The following DNAJC1 variants were observed in gnomAD, a reference collection of about 807,000 sequenced individuals.
DNAJC1 encodes DnaJ heat shock protein family (Hsp40) member C1, also known as dnaJ homolog subfamily C member 1.
DNAJC1 carries 58 observed loss-of-function variants against 76.6 expected under a neutral mutation model. That is an observed-to-expected ratio of 0.76 (90% CI 0.61 to 0.94). The LOEUF is 0.94. Among genes scored for constraint, DNAJC1 ranks in the 40% least tolerant of loss-of-function variants. The pLI, the probability that DNAJC1 is intolerant of heterozygous loss-of-function variation, is 0.00. For synonymous variants in DNAJC1, 258 were observed against 267.9 expected, an observed-to-expected ratio of 0.96 and a Z score of 0.36; for missense variants, 689 against 677.3, an observed-to-expected ratio of 1.02 and a Z score of -0.19.
chr10:21,882,404 G>C lies in DNAJC1; in HGVS notation c.856C>G (p.Pro286Ala). Reference sequence around the variant, plus strand: ...GTAGTTTCTAAAGGTGTGTATACAGGAAATTCAGGTTTTGGTTTTTTAACT... The same window carrying C: ...GTAGTTTCTAAAGGTGTGTATACAGCAAATTCAGGTTTTGGTTTTTTAACT... ...KKVKKPKPEF[P>A]VYTPLETTYI... The change falls in exon 8 of 12, where the codon CCT becomes GCT. Residue 286 changes from proline (P) to alanine (A), a missense_variant. By Grantham distance (27) the Pro-to-Ala change is conservative (BLOSUM62 -1). Transcript: ENST00000376980. 6.6e-7 allele frequency: 1 copy of C among 1,523,230 alleles called. No homozygotes were observed. Among genetic ancestry groups the C allele is most frequent in the Non-Finnish European group, 8.8e-7 (1 of 1,142,814 alleles). 94.4% of individuals were successfully genotyped at this position (1,523,230 alleles called of 1,614,324 possible).
chr10:21,956,580 T>C (rs994390996), intron 1 of DNAJC1, among the ~76,000 whole-genome samples: 1 of 150,206 alleles, frequency 6.7e-6, no homozygotes, highest in African/African-American at 2.4e-5. Context: ...TTTATGTACA[T>C]ATATAAACAT....
Position 21,798,699 on chromosome 10 carries a change from C to G in DNAJC1, c.1098+7281G>C, listed in dbSNP as rs189757624. On this transcript the variant is annotated intron_variant, in intron 9 of 11. Transcript: ENST00000376980. ...CATCAGTCTCTATCTGCTTACCCTG[C>G]TTTATTTTTCTTCATGTTACTTGTC... Among the ~76,000 whole-genome samples the G allele has an allele frequency of 3.9e-5, 6 of 152,282 alleles. No homozygotes were observed. In the East Asian group the frequency reaches 1.2e-3, roughly 29 times the overall value.
At chr10:21,886,943 G>A (rs539825635) in intron 7 of DNAJC1, among the ~76,000 whole-genome samples, 7 of 152,246 alleles carry the variant, frequency 4.6e-5, no homozygotes, top group Admixed American at 1.3e-4. Context: ...AAGAGAGGAA[G>A]CCAAACTGTC....
chr10:21,873,444 C>A (rs1836136754), intron 8 of DNAJC1, among the ~76,000 whole-genome samples: 1 of 152,020 alleles, frequency 6.6e-6, no homozygotes, highest in Admixed American at 6.6e-5. Flanking sequence ...ACGATGAAGG[C>A]CAGCAGGTAA....
intron 8 of DNAJC1, among the ~76,000 whole-genome samples, chr10:21,809,634 AGATGG>A (rs1351553662): frequency 1.3e-5 from 2 of 151,832 alleles, no homozygotes; most frequent in African/African-American, 2.4e-5. Context: ...AATATGTATT[AGATGG>A]GATGGGATGA....
chr10:22,002,186 T>C (rs189668011), intron 1 of DNAJC1, among the ~76,000 whole-genome samples: 11 of 152,328 alleles, frequency 7.2e-5, no homozygotes, highest in African/African-American at 2.2e-4. Context: ...TATCTAGTCA[T>C]GTGAAGTGTG....
chr10:21,873,049 C>A (rs1836128672), intron 8 of DNAJC1, among the ~76,000 whole-genome samples: 1 of 152,156 alleles, frequency 6.6e-6, no homozygotes, highest in Admixed American at 6.5e-5. Context: ...CTGTGAAAAT[C>A]TCTGTCCTGT....
At chr10:21,838,260 C>G (rs1465265526) in intron 8 of DNAJC1, among the ~76,000 whole-genome samples, 1 of 152,198 alleles carries the variant, frequency 6.6e-6, no homozygotes, top group East Asian at 1.9e-4. Flanking sequence ...ATAGGAGACT[C>G]CATTTTGTTC....
chr10:21,962,261 C>A (rs960840478), intron 1 of DNAJC1, among the ~76,000 whole-genome samples: 5 of 151,998 alleles, frequency 3.3e-5, no homozygotes, highest in Non-Finnish European at 5.9e-5. Context: ...GTGCCAGGCA[C>A]ATAGTAAGCA....
At chr10:21,826,963 GTT>G (rs55880711) in intron 8 of DNAJC1, among the ~76,000 whole-genome samples, 1 of 145,168 alleles carries the variant, frequency 6.9e-6, no homozygotes, top group Non-Finnish European at 1.5e-5. Context: ...TCTTGTTCAA[GTT>G]TTTTTTTTTT....
At chr10:21,821,854 A>G (rs1410495870) in intron 8 of DNAJC1, among the ~76,000 whole-genome samples, 1 of 151,934 alleles carries the variant, frequency 6.6e-6, no homozygotes, top group Non-Finnish European at 1.5e-5. Context: ...AAAAAAAAAA[A>G]AACAACTGAG....
chr10:21,762,990 G>T (rs1834258881), intron 10 of DNAJC1, among the ~76,000 whole-genome samples: 1 of 152,152 alleles, frequency 6.6e-6, no homozygotes, highest in South Asian at 2.1e-4. Context: ...AAGTTCAGTG[G>T]CATGATCTCG....
chr10:21,876,675 T>C lies in DNAJC1; in HGVS notation c.978+5607A>G, dbSNP rs74932817. On this transcript the variant is annotated intron_variant, in intron 8 of 11. Transcript: ENST00000376980. ...TGAAGTTACAGTGATTAAGACCGTG[T>C]GGTAGTAGCACAAGGATGAACAAGT... Among the ~76,000 whole-genome samples, 941 of 152,262 alleles carry C rather than the reference T, an allele frequency of 6.2e-3. 11 individuals are homozygous for C. Among genetic ancestry groups the C allele is most frequent in the African/African-American group, 0.021 (893 of 41,554 alleles).
At chr10:21,959,420 G>A (rs182305694) in intron 1 of DNAJC1, among the ~76,000 whole-genome samples, 94 of 152,080 alleles carry the variant, frequency 6.2e-4, no homozygotes, top group African/African-American at 2.1e-3. Context: ...GAGCTACTGC[G>A]CCCAGCCACA....
At chr10:21,774,402 A>G (rs984920825) in intron 9 of DNAJC1, among the ~76,000 whole-genome samples, 7 of 152,210 alleles carry the variant, frequency 4.6e-5, no homozygotes, top group African/African-American at 1.7e-4. Flanking sequence ...TGAGATTCAT[A>G]TAACTCTCTA....
chr10:21,826,841 T>C (rs1263978621), intron 8 of DNAJC1, among the ~76,000 whole-genome samples: 1 of 152,196 alleles, frequency 6.6e-6, no homozygotes, highest in Non-Finnish European at 1.5e-5. Context: ...AGGCTTTCTA[T>C]TCTATTTTAT....
At chr10:21,905,549 C>A (rs567822584) in intron 6 of DNAJC1, among the ~76,000 whole-genome samples, 15 of 152,274 alleles carry the variant, frequency 9.9e-5, no homozygotes, top group African/African-American at 2.9e-4. Context: ...CAAGCCCCAT[C>A]TCCTTTGCAA....
At chr10:21,946,117 T>G (rs1031490314) in intron 1 of DNAJC1, among the ~76,000 whole-genome samples, 1 of 129,826 alleles carries the variant, frequency 7.7e-6, no homozygotes, top group South Asian at 2.6e-4. Context: ...CTCAGCTCAC[T>G]GCAATCTCCA....
intron 8 of DNAJC1, among the ~76,000 whole-genome samples, chr10:21,862,649 G>A (rs2793351): frequency 0.65 from 98,802 of 151,444 alleles, 32,689 homozygotes; most frequent in East Asian, 0.95. Context: ...GGCTGGTCTC[G>A]AACGCCTGAT....
Sources: allele counts gnomAD v4.1 joint callset (sites outside exome capture counted in the v4.1 genomes callset), GRCh38; gene constraint gnomAD v4.1.1; transcripts MANE v1.5; gene names NCBI Gene and HGNC (gene_info 2026-07-23, HGNC 2026-07-21).